Variants in STIM1 observed in about 807,000 individuals in gnomAD.
The protein encoded by STIM1 is stromal interaction molecule 1.
In STIM1, 25 loss-of-function variants were observed where a neutral mutation model predicts 74.7. The ratio of observed to expected loss-of-function variants is 0.33; its 90% CI spans 0.24 to 0.47. STIM1 has a LOEUF of 0.47. Among genes scored for constraint, STIM1 ranks in the 20% least tolerant of loss-of-function variants. The probability of loss-of-function intolerance (pLI) is 1.00; values close to 1 mark genes in which losing one functional copy is unlikely to be tolerated. For synonymous variants in STIM1, 328 were observed against 348.8 expected (o/e 0.94, Z 0.66); for missense variants, 728 against 920.8 (o/e 0.79, Z 2.71).
At chr11:3,881,129 A>G (rs2091483811) in intron 1 of STIM1, among the ~76,000 whole-genome samples, 1 of 151,880 alleles carries the variant, frequency 6.6e-6, no homozygotes, top group Non-Finnish European at 1.5e-5. Context: ...ATAACATAAA[A>G]TTAATCATTT....
chr11:3,918,344 G>C (rs1367934892), intron 1 of STIM1, among the ~76,000 whole-genome samples: 1 of 151,834 alleles, frequency 6.6e-6, no homozygotes, highest in Non-Finnish European at 1.5e-5. Flanking sequence ...TGAGGAAATC[G>C]CATCTCTACA....
Position 4,011,232 on chromosome 11 carries a change from G to A in STIM1, c.271-12641G>A, listed in dbSNP as rs527792820. 3.9e-3 allele frequency among the ~76,000 whole-genome samples: 600 copies of A among 152,124 alleles called. 2 individuals are homozygous for A. The highest frequency in any genetic ancestry group is 6.7e-3 in the Non-Finnish European group (457 of 67,982). On this transcript the variant is annotated intron_variant, in intron 2 of 12. Coordinates refer to ENST00000526596, the MANE Select transcript of STIM1 (RefSeq NM_001382567.1). ...GATTTATAATCCTTTGGGTATATAC[G>A]CAGTATTGGGATTGCTGGGTCAAAT...
chr11:3,945,488 A>T (rs914950441), intron 1 of STIM1, among the ~76,000 whole-genome samples: 1 of 152,090 alleles, frequency 6.6e-6, no homozygotes, highest in South Asian at 2.1e-4. Flanking sequence ...AATTCCAGCT[A>T]CTCGGGAGGC....
chr11:4,005,689 C>T (rs557030719), intron 2 of STIM1, among the ~76,000 whole-genome samples: 235 of 151,874 alleles, frequency 1.5e-3, no homozygotes, highest in Non-Finnish European at 2.7e-3. Context: ...TATAACTAAC[C>T]GGCACATTGT....
rs1031709097 is a variant in STIM1 at position 4,023,334 on chromosome 11, A to G, written c.271-539A>G. On this transcript the variant is annotated intron_variant, in intron 2 of 12. Coordinates refer to ENST00000526596, the MANE Select transcript of STIM1 (RefSeq NM_001382567.1). ...ACGAGCGAGACTCTGTCTCAAGACA[A>G]ACAAACAAACAAACAAACAAACAAA... is the stretch of plus-strand genomic sequence containing the variant. 1.2e-4 allele frequency among the ~76,000 whole-genome samples: 17 copies of G among 136,664 alleles called. No individual in the cohort carries two copies. In the East Asian group the frequency reaches 2.9e-3, roughly 24 times the overall value. The allele number at this position is 136,664 out of a possible 152,430, so 89.7% of individuals were successfully genotyped here.
intron 1 of STIM1, among the ~76,000 whole-genome samples, chr11:3,915,360 G>A (rs558450718): frequency 6.6e-6 from 1 of 151,852 alleles, no homozygotes; most frequent in Non-Finnish European, 1.5e-5. Flanking sequence ...AGAGTGTTGG[G>A]ATTAATAGGC....
intron 2 of STIM1, among the ~76,000 whole-genome samples, chr11:4,004,829 C>T (rs559669218): frequency 0.024 from 3,636 of 152,216 alleles, 137 homozygotes; most frequent in African/African-American, 0.084. Context: ...ATTTTCGCAA[C>T]CTACTCATCT....
chr11:3,870,843 C>T (rs555637225), intron 1 of STIM1, among the ~76,000 whole-genome samples: 1 of 150,294 alleles, frequency 6.7e-6, no homozygotes, highest in South Asian at 2.1e-4. Context: ...GACAGAACAC[C>T]GAGTGACCAT....
At chr11:4,006,766 A>T (rs555827321) in intron 2 of STIM1, among the ~76,000 whole-genome samples, 5 of 152,164 alleles carry the variant, frequency 3.3e-5, no homozygotes, top group African/African-American at 1.2e-4. Context: ...GGTTCTAAAT[A>T]TTGTGGGCTG....
intron 2 of STIM1, among the ~76,000 whole-genome samples, chr11:3,984,751 T>A (rs894249659): frequency 6.6e-6 from 1 of 152,206 alleles, no homozygotes; most frequent in African/African-American, 2.4e-5. Context: ...ACTAAATATA[T>A]GGCCAAGTGA....
chr11:3,862,431 T>C (rs2090651145), intron 1 of STIM1, among the ~76,000 whole-genome samples: 1 of 152,100 alleles, frequency 6.6e-6, no homozygotes, highest in Admixed American at 6.5e-5. Flanking sequence ...CCTTGTAGAA[T>C]GCTCTGTAGA....
At position 3,970,627 on chromosome 11, in the gene STIM1, A is replaced by G. The variant is rs151185652; in HGVS notation, c.270+2945A>G. Among the ~76,000 whole-genome samples the G allele has an allele frequency of 2.4e-4, 37 of 151,714 alleles. No individual in the cohort carries two copies. In the East Asian group the frequency reaches 7.0e-3, roughly 29 times the overall value. ...TCTTAACAATTATGCTTGGATTATT[A>G]ATGAAAATTTCATAAGATATTAAAC... On this transcript the variant is annotated intron_variant, in intron 2 of 12. Transcript: ENST00000526596.
In STIM1 at chr11:3,900,281, G is replaced by A. The variant is rs549073779; in HGVS notation, c.139+43872G>A. On this transcript the variant is annotated intron_variant, in intron 1 of 12. Coordinates refer to ENST00000526596, the MANE Select transcript of STIM1 (RefSeq NM_001382567.1). The stretch of plus-strand genomic sequence containing the variant: ...TCCTGGTGCGCTGTTTTTTAAGCCC[G>A]TGGGAAAAGCGCAGTATTGGGGTGG... Among the ~76,000 whole-genome samples the A allele has an allele frequency of 3.3e-4, 50 of 152,274 alleles. No individual in the cohort carries two copies. In the South Asian group the frequency reaches 8.7e-3, roughly 27 times the overall value.
At chr11:4,072,244 G>A (rs1484764574) in intron 6 of STIM1, among the ~76,000 whole-genome samples, 1 of 152,080 alleles carries the variant, frequency 6.6e-6, no homozygotes, top group East Asian at 1.9e-4. Context: ...TTGCACACAT[G>A]CACACATATA....
intron 1 of STIM1, among the ~76,000 whole-genome samples, chr11:3,864,235 G>A (rs2090755480): frequency 6.6e-6 from 1 of 152,176 alleles, no homozygotes; most frequent in African/African-American, 2.4e-5. Flanking sequence ...GAGCAAATGG[G>A]CCTGGTCCCC....
Position 4,091,365 on chromosome 11 carries a change from G to A in STIM1, c.1718G>A (p.Arg573His), listed in dbSNP as rs202147687. ...GCCCCCAAACCTCCTCAGATGAGCC[G>A]TGCTGCAGACGAGGCTCTCAATGCC... ...RVAPKPPQMS[R>H]AADEALNAMT... is the part of the protein sequence containing the mutation. Residue 573 changes from arginine to histidine, a missense_variant, in exon 13 of 13, where the codon CGT (arginine) becomes CAT (histidine). Physicochemically the swap from Arg to His is conservative, Grantham distance 29 (BLOSUM62 0). Transcript: ENST00000526596. The A allele has an allele frequency of 2.2e-5, 36 of 1,614,082 alleles. No homozygotes were observed. The highest frequency in any genetic ancestry group is 4.0e-5 in the African/African-American group (3 of 74,936).
chr11:4,041,828 C>T lies in STIM1; in HGVS notation c.386-13698C>T, dbSNP rs1402324993. 2.0e-5 allele frequency among the ~76,000 whole-genome samples: 3 copies of T among 152,144 alleles called. No homozygotes were observed. The East Asian group carries it at 5.8e-4, about 29-fold the overall frequency. On this transcript the variant is annotated intron_variant, in intron 3 of 12. Coordinates refer to ENST00000526596, the MANE Select transcript of STIM1 (RefSeq NM_001382567.1). ...TCTTGAACTCCTGGCCTCAAGTGAT[C>T]CTCCTGCCTTGGCATCCCAAAGTAT...
At chr11:4,007,229 T>C (rs2093791189) in intron 2 of STIM1, among the ~76,000 whole-genome samples, 1 of 152,176 alleles carries the variant, frequency 6.6e-6, no homozygotes. Context: ...GCATTCCCCA[T>C]GGTAAGGCAG....
chr11:4,044,802 C>T (rs1341617462), intron 3 of STIM1, among the ~76,000 whole-genome samples: 4 of 152,160 alleles, frequency 2.6e-5, no homozygotes, highest in East Asian at 1.9e-4. Context: ...TTGGCAACCC[C>T]GTGCCTCACT....
Sources: gnomAD v4.1 joint callset for allele counts (sites outside exome capture counted in the v4.1 genomes callset) on GRCh38, gnomAD v4.1.1 for gene constraint, MANE v1.5 for transcripts, NCBI Gene and HGNC (gene_info 2026-07-23, HGNC 2026-07-21) for gene names.